The following PLCXD3 variants were observed in gnomAD, a reference collection of about 807,000 sequenced individuals.
The protein encoded by PLCXD3 is phosphatidylinositol specific phospholipase C X domain containing 3.
Under a neutral mutation model 25.5 loss-of-function variants are expected in PLCXD3, and 19 were observed. That is an observed-to-expected ratio of 0.75 (90% CI 0.52 to 1.09). The LOEUF (loss-of-function observed/expected upper bound fraction) is 1.09. Among genes scored for constraint, PLCXD3 ranks in the 50% least tolerant of loss-of-function variants. PLCXD3 has a pLI of 0.00. For missense variants in PLCXD3, 411 were observed against 388.1 expected (o/e 1.06, Z -0.50); for synonymous variants, 174 against 137.6 (o/e 1.26, Z -1.85).
intron 2 of PLCXD3, among the ~76,000 whole-genome samples, chr5:41,316,332 C>T (rs2150468009): frequency 6.6e-6 from 1 of 152,296 alleles, no homozygotes; most frequent in Admixed American, 6.5e-5. Context: ...CTGAAGAGCC[C>T]TTGGCCCCAG....
chr5:41,366,603 C>A (rs577732612), intron 2 of PLCXD3, among the ~76,000 whole-genome samples: 148 of 152,348 alleles, frequency 9.7e-4, no homozygotes, highest in Non-Finnish European at 1.8e-3. Context: ...TCCACACACA[C>A]ATGCACAAAC....
intron 1 of PLCXD3, among the ~76,000 whole-genome samples, chr5:41,470,788 G>GA (rs1748137535): frequency 6.6e-6 from 1 of 152,034 alleles, no homozygotes; most frequent in South Asian, 2.1e-4. Flanking sequence ...AAAAGAAAAA[G>GA]AAAAAAATAC....
At chr5:41,446,857 A>G (rs1331702223) in intron 1 of PLCXD3, among the ~76,000 whole-genome samples, 3 of 152,238 alleles carry the variant, frequency 2.0e-5, no homozygotes, top group Non-Finnish European at 2.9e-5. Flanking sequence ...TGCTAGTTTC[A>G]ACTGAACAAG....
chr5:41,324,681 A>G (rs1904178), intron 2 of PLCXD3, among the ~76,000 whole-genome samples: 14,222 of 152,164 alleles, frequency 0.093, 949 homozygotes, highest in East Asian at 0.35. Flanking sequence ...CTCTGGTTGA[A>G]CCCACAACTT....
intron 2 of PLCXD3, among the ~76,000 whole-genome samples, chr5:41,329,635 A>G (rs1743730604): frequency 6.6e-6 from 1 of 151,880 alleles, no homozygotes; most frequent in South Asian, 2.1e-4. Context: ...ACTTTTACAA[A>G]TTTTCAAATT....
At chr5:41,397,350 C>T (rs1746038818) in intron 1 of PLCXD3, among the ~76,000 whole-genome samples, 1 of 152,190 alleles carries the variant, frequency 6.6e-6, no homozygotes, top group Non-Finnish European at 1.5e-5. Context: ...GACATTTCTT[C>T]AGAGGGTGCA....
At chr5:41,330,600 C>G (rs1419252073) in intron 2 of PLCXD3, among the ~76,000 whole-genome samples, 1 of 152,144 alleles carries the variant, frequency 6.6e-6, no homozygotes, top group Non-Finnish European at 1.5e-5. Context: ...TTTTATGAGG[C>G]CAGCATCATC....
intron 2 of PLCXD3, among the ~76,000 whole-genome samples, chr5:41,374,987 G>A (rs1462933034): frequency 6.6e-6 from 1 of 152,046 alleles, no homozygotes; most frequent in Non-Finnish European, 1.5e-5. Flanking sequence ...CTGCTAAAAT[G>A]ACTGGCACTG....
chr5:41,312,737 T>TTCCTTCCTTC lies in PLCXD3; in HGVS notation c.*879_*880insGAAGGAAGGA, dbSNP rs1389859291. On this transcript the variant is annotated 3_prime_UTR_variant, in exon 3 of 3. Transcript: ENST00000377801. The stretch of plus-strand genomic sequence containing the variant: ...CCTTCCTTCCTTCCTTCCTTCCTTC[T>TTCCTTCCTTC]GTCTTTTTCTTTCATCAAGAGCATC... 3 of 105,924 alleles carry TTCCTTCCTTC rather than the reference T, an allele frequency of 2.8e-5. No homozygotes were observed. The highest frequency in any genetic ancestry group is 4.2e-5 in the Non-Finnish European group (2 of 47,766). The allele number at this position is 105,924 out of a possible 1,614,324, so 6.6% of individuals were successfully genotyped here.
chr5:41,426,076 T>C (rs1194814531), intron 1 of PLCXD3, among the ~76,000 whole-genome samples: 1 of 152,202 alleles, frequency 6.6e-6, no homozygotes, highest in African/African-American at 2.4e-5. Flanking sequence ...CCACGAGCAA[T>C]GAATGAGAGC....
At chr5:41,435,294 T>A (rs1747220770) in intron 1 of PLCXD3, among the ~76,000 whole-genome samples, 1 of 152,248 alleles carries the variant, frequency 6.6e-6, no homozygotes, top group African/African-American at 2.4e-5. Context: ...TAACTACTAA[T>A]CCCATGTGGA....
chr5:41,404,575 A>G (rs75094180), intron 1 of PLCXD3, among the ~76,000 whole-genome samples: 8,991 of 152,264 alleles, frequency 0.059, 283 homozygotes, highest in African/African-American at 0.07. Flanking sequence ...ATATGGAACA[A>G]TAAAAACTGC....
rs149546422 is a variant in PLCXD3 at position 41,374,629 on chromosome 5, A to G, written c.812+7197T>C. Reference sequence around the variant, plus strand: ...GGGAGTGACAGAGAGAGAGAGACAGATCGAAGAAATGAATCTTATGGTGAA... The same window carrying G: ...GGGAGTGACAGAGAGAGAGAGACAGGTCGAAGAAATGAATCTTATGGTGAA... On this transcript the variant is annotated intron_variant, in intron 2 of 2. Coordinates refer to ENST00000377801, the MANE Select transcript of PLCXD3 (RefSeq NM_001005473.3). Among the ~76,000 whole-genome samples the G allele has an allele frequency of 2.5e-3, 383 of 152,254 alleles. 1 individual carries two copies. The highest frequency in any genetic ancestry group is 8.8e-3 in the African/African-American group (364 of 41,564).
At chr5:41,362,937 A>G (rs1233350209) in intron 2 of PLCXD3, among the ~76,000 whole-genome samples, 1 of 152,234 alleles carries the variant, frequency 6.6e-6, no homozygotes, top group Non-Finnish European at 1.5e-5. Flanking sequence ...GTAATAATTC[A>G]AATGAAACTA....
intron 1 of PLCXD3, among the ~76,000 whole-genome samples, chr5:41,391,758 G>T (rs143719657): frequency 6.6e-6 from 1 of 152,136 alleles, no homozygotes; most frequent in African/African-American, 2.4e-5. Flanking sequence ...TGGGGTCCTC[G>T]ATTTCAGGAC....
chr5:41,383,934 C>G (rs1745561285), intron 1 of PLCXD3, among the ~76,000 whole-genome samples: 2 of 151,836 alleles, frequency 1.3e-5, no homozygotes, highest in South Asian at 4.2e-4. Flanking sequence ...GTATATATAT[C>G]CATGTATCTC....
At chr5:41,433,146 T>C (rs1747157544) in intron 1 of PLCXD3, among the ~76,000 whole-genome samples, 1 of 152,138 alleles carries the variant, frequency 6.6e-6, no homozygotes, top group African/African-American at 2.4e-5. Context: ...TTTCTTGCCT[T>C]TGTGGCTACT....
chr5:41,427,471 T>C (rs1047933116), intron 1 of PLCXD3, among the ~76,000 whole-genome samples: 14 of 152,196 alleles, frequency 9.2e-5, no homozygotes, highest in African/African-American at 3.1e-4. Context: ...CACTTTACTC[T>C]TTCCTTTGGC....
At chr5:41,324,770 A>G (rs761254909) in intron 2 of PLCXD3, among the ~76,000 whole-genome samples, 13 of 152,284 alleles carry the variant, frequency 8.5e-5, no homozygotes, top group Middle Eastern at 6.8e-3. Flanking sequence ...GAGAAGACCA[A>G]TGCTCTTTGG....
Sources: allele counts gnomAD v4.1 joint callset (sites outside exome capture counted in the v4.1 genomes callset), GRCh38; gene constraint gnomAD v4.1.1; transcripts MANE v1.5; gene names NCBI Gene and HGNC (gene_info 2026-07-23, HGNC 2026-07-21).